The following STXBP5L variants were observed in gnomAD, a reference collection of about 807,000 sequenced individuals.
The protein encoded by STXBP5L is syntaxin binding protein 5L, also known as syntaxin-binding protein 5-like.
STXBP5L carries 65 observed loss-of-function variants against 144.5 expected under a neutral mutation model. That is an observed-to-expected ratio of 0.45 (90% CI 0.37 to 0.55). The LOEUF is 0.55. STXBP5L is among the 20% of genes least tolerant of loss of function. STXBP5L has a pLI of 0.00. For synonymous variants in STXBP5L, 505 were observed against 469.6 expected (o/e 1.08, Z -0.97); for missense variants, 1,298 against 1,405.5 (o/e 0.92, Z 1.22).
chr3:121,073,928 C>T (rs1194836489), intron 5 of STXBP5L, among the ~76,000 whole-genome samples: 3 of 152,164 alleles, frequency 2.0e-5, no homozygotes, highest in Non-Finnish European at 2.9e-5. Context: ...GCCCTTTGGC[C>T]ACAGATTTGT....
At position 121,243,850 on chromosome 3, in the gene STXBP5L, G is replaced by T. The variant is rs908740408; in HGVS notation, c.1400+3343G>T. Among the ~76,000 whole-genome samples, 16 of 152,120 alleles carry T rather than the reference G, an allele frequency of 1.1e-4. No individual in the cohort carries two copies. The East Asian group carries it at 2.9e-3, about 27-fold the overall frequency. The stretch of plus-strand genomic sequence containing the variant: ...TACGTGTGAAGTTAACATCATTCTT[G>T]TACAGTTGTTGGCTGAGGATTCATT... On this transcript the variant is annotated intron_variant, in intron 14 of 26. Coordinates refer to ENST00000471454, the MANE Select transcript of STXBP5L (RefSeq NM_001308330.2).
chr3:121,006,134 C>T (rs1402219320), intron 3 of STXBP5L, among the ~76,000 whole-genome samples: 1 of 152,046 alleles, frequency 6.6e-6, no homozygotes, highest in Non-Finnish European at 1.5e-5. Context: ...GTTGTTCTGT[C>T]TAATGTTGAC....
intron 3 of STXBP5L, among the ~76,000 whole-genome samples, chr3:121,038,960 TTTAACCTATTTGTATATA>T (rs1341433253): frequency 6.6e-6 from 1 of 151,926 alleles, no homozygotes; most frequent in Non-Finnish European, 1.5e-5. Context: ...TGTTTTAACT[TTTAACCTATTTGTATATA>T]TTAACCTATT....
chr3:120,930,064 A>T (rs189651542), intron 2 of STXBP5L, among the ~76,000 whole-genome samples: 5 of 151,658 alleles, frequency 3.3e-5, no homozygotes, highest in African/African-American at 7.2e-5. Context: ...TCTAATTTGC[A>T]TAATTCATAT....
chr3:121,263,919 C>T (rs2050467643), intron 18 of STXBP5L, among the ~76,000 whole-genome samples: 1 of 152,120 alleles, frequency 6.6e-6, no homozygotes, highest in South Asian at 2.1e-4. Flanking sequence ...ACTTCCCCAA[C>T]CTAGCAAGAC....
intron 9 of STXBP5L, among the ~76,000 whole-genome samples, chr3:121,196,738 C>T (rs1184002156): frequency 5.9e-5 from 9 of 152,052 alleles, no homozygotes; most frequent in African/African-American, 1.2e-4. Flanking sequence ...TCATGGATCA[C>T]GGCTCACTGC....
At chr3:120,929,141 G>GT (rs1051711468) in intron 2 of STXBP5L, among the ~76,000 whole-genome samples, 3 of 152,172 alleles carry the variant, frequency 2.0e-5, no homozygotes, top group Non-Finnish European at 2.9e-5. Context: ...TCAGTATTGA[G>GT]TTGGAAGTGT....
chr3:121,348,143 A>C (rs2045087801), intron 20 of STXBP5L, among the ~76,000 whole-genome samples: 1 of 151,958 alleles, frequency 6.6e-6, no homozygotes, highest in Admixed American at 6.6e-5. Flanking sequence ...TCAGTACCTA[A>C]TTATTGAGAG....
chr3:121,193,300 A>G lies in STXBP5L; in HGVS notation c.878-12623A>G, dbSNP rs574177761. 1.4e-5 allele frequency among the ~76,000 whole-genome samples: 2 copies of G among 143,106 alleles called. 1 individual carries two copies. Among genetic ancestry groups the G allele is most frequent in the East Asian group, 5.8e-4 (2 of 3,420 alleles). The allele number at this position is 143,106 out of a possible 152,430, so 93.9% of individuals were successfully genotyped here. A position where few individuals can be genotyped will look rare whatever the true frequency, so the allele number is the denominator to read the frequency against. ...TCGTCTCACACCAGTTAGAATGGCG[A>G]TCATTAAAAAGTCAGGAAACAAGAG... is the stretch of plus-strand genomic sequence containing the variant. On this transcript the variant is annotated intron_variant, in intron 9 of 26. Coordinates refer to ENST00000471454, the MANE Select transcript of STXBP5L (RefSeq NM_001308330.2).
chr3:120,913,629 G>A (rs982571542), intron 2 of STXBP5L, among the ~76,000 whole-genome samples: 3 of 151,916 alleles, frequency 2.0e-5, no homozygotes, highest in South Asian at 2.1e-4. Context: ...TCTGTGATTG[G>A]AGTTCTGTGT....
At chr3:120,986,594 C>T (rs1355921706) in intron 3 of STXBP5L, among the ~76,000 whole-genome samples, 1 of 151,782 alleles carries the variant, frequency 6.6e-6, no homozygotes, top group Non-Finnish European at 1.5e-5. Context: ...TATGTAATTA[C>T]TTTCTTTGTC....
intron 20 of STXBP5L, among the ~76,000 whole-genome samples, chr3:121,371,569 G>A (rs1020765815): frequency 5.3e-5 from 8 of 152,264 alleles, no homozygotes; most frequent in Admixed American, 3.3e-4. Flanking sequence ...AGGTACCAGA[G>A]TGCCAGCCTT....
intron 5 of STXBP5L, among the ~76,000 whole-genome samples, chr3:121,059,538 A>C (rs2041155398): frequency 6.6e-6 from 1 of 152,092 alleles, no homozygotes; most frequent in Non-Finnish European, 1.5e-5. Flanking sequence ...TGATGGGGAT[A>C]GCATTGAATC....
Position 121,041,716 on chromosome 3 carries a change from G to T in STXBP5L, c.304G>T (p.Val102Phe). ...GAIRILGRPG[V>F]DCYCQHESGA... ...TTATATTAGACTCGGGAGACCTGGT[G>T]TTGATTGCTATTGCCAACATGAAAG... The change falls in exon 4 of 27, where the codon GTT (valine) becomes TTT (phenylalanine). Residue 102 changes from valine (V) to phenylalanine (F), a missense_variant. Transcript: ENST00000471454. 3 of 1,612,462 alleles carry T rather than the reference G, an allele frequency of 1.9e-6. No homozygotes were observed. Among genetic ancestry groups the T allele is most frequent in the Non-Finnish European group, 2.5e-6 (3 of 1,178,928 alleles).
At chr3:121,054,560 A>C (rs993664251) in intron 5 of STXBP5L, among the ~76,000 whole-genome samples, 4 of 127,258 alleles carry the variant, frequency 3.1e-5, no homozygotes, top group African/African-American at 1.2e-4. Context: ...GGACACAGGA[A>C]GGGGAACATC....
chr3:121,195,454 C>T (rs1450066552), intron 9 of STXBP5L, among the ~76,000 whole-genome samples: 2 of 152,160 alleles, frequency 1.3e-5, no homozygotes, highest in Non-Finnish European at 2.9e-5. Flanking sequence ...CTGCTTCACC[C>T]TCGCAACCAC....
chr3:121,078,190 T>C (rs2042102538), intron 5 of STXBP5L, among the ~76,000 whole-genome samples: 1 of 152,174 alleles, frequency 6.6e-6, no homozygotes, highest in Admixed American at 6.5e-5. Context: ...AGGGTGCAGA[T>C]TGGTGTGTTT....
At chr3:121,094,127 G>C (rs966801382) in intron 5 of STXBP5L, among the ~76,000 whole-genome samples, 1 of 152,136 alleles carries the variant, frequency 6.6e-6, no homozygotes, top group Non-Finnish European at 1.5e-5. Flanking sequence ...TTGCACTGTG[G>C]TCTGAGAGAC....
chr3:121,005,400 C>T lies in STXBP5L; in HGVS notation c.288-36300C>T, dbSNP rs148573959. 2.7e-3 allele frequency among the ~76,000 whole-genome samples: 405 copies of T among 152,022 alleles called. 1 individual carries two copies. The highest frequency in any genetic ancestry group is 8.7e-3 in the African/African-American group (360 of 41,446). On this transcript the variant is annotated intron_variant, in intron 3 of 26. Coordinates refer to ENST00000471454, the MANE Select transcript of STXBP5L (RefSeq NM_001308330.2). ...TTTCTGTGTGAACGGTGGTGATATC[C>T]CCTTTATCATGTTTTATTGCGTCTA...
Sources: gnomAD v4.1 joint callset for allele counts (sites outside exome capture counted in the v4.1 genomes callset) on GRCh38, gnomAD v4.1.1 for gene constraint, MANE v1.5 for transcripts, NCBI Gene and HGNC (gene_info 2026-07-23, HGNC 2026-07-21) for gene names.